Variants in PIGN observed in about 807,000 individuals in gnomAD.
PIGN encodes the protein GPI ethanolamine phosphate transferase 1.
A neutral mutation model predicts 125.4 loss-of-function variants in PIGN; 117 were observed. The ratio of observed to expected loss-of-function variants is 0.93; its 90% CI spans 0.80 to 1.09. The LOEUF (loss-of-function observed/expected upper bound fraction) is 1.09. Ranked by LOEUF, PIGN falls within the 50% of genes least tolerant of loss-of-function variation. PIGN has a pLI of 0.00. For synonymous variants in PIGN, 392 were observed against 377.8 expected (o/e 1.04, Z -0.44); for missense variants, 1,075 against 1,094.9 (o/e 0.98, Z 0.26).
chr18:62,169,886 G>A (rs1271568830), intron 1 of PIGN, among the ~76,000 whole-genome samples: 2 of 152,160 alleles, frequency 1.3e-5, no homozygotes, highest in African/African-American at 4.8e-5. Flanking sequence ...GCCTCCCAAA[G>A]TGCTGGGATT....
chr18:62,030,429 C>G (rs1380458648), intron 23 of PIGN, among the ~76,000 whole-genome samples: 1 of 152,174 alleles, frequency 6.6e-6, no homozygotes, highest in Non-Finnish European at 1.5e-5. Flanking sequence ...AAAAGGACAA[C>G]CGGGTTTATC....
chr18:62,094,013 T>G (rs994562860), intron 23 of PIGN, among the ~76,000 whole-genome samples: 2 of 152,154 alleles, frequency 1.3e-5, no homozygotes, highest in Non-Finnish European at 2.9e-5. Flanking sequence ...GCCTTATTAT[T>G]CTGATTTTAG....
At chr18:62,112,816 G>C (rs2034932836) in intron 16 of PIGN, 2 of 332,032 alleles carry the variant, frequency 6.0e-6, no homozygotes, top group Non-Finnish European at 1.1e-5. Flanking sequence ...GTACTAGAAA[G>C]ATATGGAATA....
chr18:62,146,875 C>G (rs1453724985), intron 9 of PIGN, 96 bp downstream of exon 9: 1 of 1,254,156 alleles, frequency 8.0e-7, no homozygotes, highest in East Asian at 2.5e-5. Flanking sequence ...TTGTATACAG[C>G]AAGACATCTA....
chr18:62,167,153 C>A (rs1229832903), intron 1 of PIGN, among the ~76,000 whole-genome samples: 1 of 152,098 alleles, frequency 6.6e-6, no homozygotes, highest in African/African-American at 2.4e-5. Context: ...CTCGTTCTCT[C>A]CCGTATGCCT....
chr18:62,069,585 C>A (rs551558835), intron 30 of PIGN: 1 of 152,264 alleles, frequency 6.6e-6, no homozygotes, highest in South Asian at 2.1e-4. Context: ...TGAAATAAGT[C>A]AGTTGCAAGA....
chr18:62,133,464 T>C (rs2035813381), intron 14 of PIGN, among the ~76,000 whole-genome samples: 2 of 152,236 alleles, frequency 1.3e-5, no homozygotes. Flanking sequence ...CTAATTAAGC[T>C]ATTCTTGAGA....
At chr18:62,131,990 A>G (rs1439140292) in intron 14 of PIGN, among the ~76,000 whole-genome samples, 1 of 148,382 alleles carries the variant, frequency 6.7e-6, no homozygotes, top group Non-Finnish European at 1.5e-5. Flanking sequence ...AGACAAGTGA[A>G]CAATATATTT....
intron 30 of PIGN, among the ~76,000 whole-genome samples, chr18:62,063,275 T>C (rs560050657): frequency 8.8e-5 from 13 of 147,532 alleles, no homozygotes; most frequent in African/African-American, 2.5e-4. Context: ...CCAAAATCTA[T>C]GGTTTTATAG....
chr18:62,161,348 C>G lies in PIGN; in HGVS notation c.6G>C (p.Leu2=). 1 of 1,606,948 alleles carries G rather than the reference C, an allele frequency of 6.2e-7. No homozygotes were observed. Among genetic ancestry groups the G allele is most frequent in the Admixed American group, 1.7e-5 (1 of 59,562 alleles). The change falls in exon 4 of 31, where the codon CTG becomes CTC. Residue 2 remains leucine, a synonymous_variant. Transcript: ENST00000640252. Reference sequence around the variant, plus strand: ...TAAGCAATCCCAAAGTAAAGAACAGCAGCATATCCAGTGTAACTAATTAGT... The same window carrying G: ...TAAGCAATCCCAAAGTAAAGAACAGGAGCATATCCAGTGTAACTAATTAGT... The part of the protein sequence containing the change: M[L]LFFTLGLLIH...
intron 16 of PIGN, among the ~76,000 whole-genome samples, chr18:62,110,840 T>A (rs2034846567): frequency 6.8e-6 from 1 of 147,744 alleles, no homozygotes; most frequent in South Asian, 2.1e-4. Flanking sequence ...TAAAGCATAA[T>A]AAAAAATATA....
At chr18:62,072,012 CCTTCCAG>C (rs1339528039) in intron 30 of PIGN, among the ~76,000 whole-genome samples, 1 of 148,228 alleles carries the variant, frequency 6.7e-6, no homozygotes, top group African/African-American at 2.5e-5. Flanking sequence ...CCTGTGAACA[CCTTCCAG>C]TGGGACAAGA....
intron 16 of PIGN, chr18:62,110,221 G>A (rs1375002715): frequency 5.8e-6 from 2 of 342,312 alleles, no homozygotes; most frequent in Non-Finnish European, 1.1e-5. Context: ...AGTGACTATG[G>A]CCTTAAAGTT....
chr18:62,138,458 T>A (rs1392703683), intron 13 of PIGN, among the ~76,000 whole-genome samples, 160 bp from the exon 14 acceptor site: 2 of 152,164 alleles, frequency 1.3e-5, no homozygotes, highest in Non-Finnish European at 2.9e-5. Context: ...TAAAGAAAAA[T>A]TTAACATTTT....
rs554589151 is a variant in PIGN at position 62,108,863 on chromosome 18, C to T, written c.1574+971G>A. 1.2e-4 allele frequency among the ~76,000 whole-genome samples: 19 copies of T among 152,342 alleles called. No homozygotes were observed. The East Asian group carries it at 3.7e-3, about 29-fold the overall frequency. On this transcript the variant is annotated intron_variant, in intron 17 of 30. Transcript: ENST00000640252. ...TTGGCCTCCCAAAGTGCTGGGATTA[C>T]AGGCGTGAGCCCTTGCACCCAGCCA...
At chr18:62,167,887 G>A (rs2037210994) in intron 1 of PIGN, among the ~76,000 whole-genome samples, 1 of 151,760 alleles carries the variant, frequency 6.6e-6, no homozygotes, top group Admixed American at 6.6e-5. Context: ...TAAAAAAACA[G>A]TACTTTTAAA....
downstream of PIGN, among the ~76,000 whole-genome samples, chr18:62,038,149 A>G (rs185185435): frequency 6.6e-6 from 1 of 152,308 alleles, no homozygotes; most frequent in Non-Finnish European, 1.5e-5. Context: ...TCGGAGGGAT[A>G]AAGTCTGAAT....
chr18:62,130,049 C>T (rs1352976634), intron 14 of PIGN, among the ~76,000 whole-genome samples: 1 of 152,094 alleles, frequency 6.6e-6, no homozygotes, highest in Admixed American at 6.5e-5. Context: ...AATGATAAAG[C>T]TACAAGCCAA....
At chr18:62,030,194 G>T (rs957893508) in intron 23 of PIGN, among the ~76,000 whole-genome samples, 5 of 152,206 alleles carry the variant, frequency 3.3e-5, no homozygotes, top group South Asian at 4.1e-4. Context: ...CCACTAGAAG[G>T]CTTCACTCTG....
Sources: gnomAD v4.1 joint callset for allele counts (sites outside exome capture counted in the v4.1 genomes callset) on GRCh38, gnomAD v4.1.1 for gene constraint, MANE v1.5 for transcripts, NCBI Gene and HGNC (gene_info 2026-07-23, HGNC 2026-07-21) for gene names.